LRFN5: variants seen among roughly 807,000 people sequenced by gnomAD.
LRFN5 encodes leucine rich repeat and fibronectin type III domain containing 5.
Under a neutral mutation model 45.6 loss-of-function variants are expected in LRFN5, and 24 were observed. That is an observed-to-expected ratio of 0.53 (90% CI 0.38 to 0.74). The LOEUF is 0.74. Among genes scored for constraint, LRFN5 ranks in the 30% least tolerant of loss-of-function variants. The pLI, the probability that LRFN5 is intolerant of heterozygous loss-of-function variation, is 0.00. For synonymous variants in LRFN5, 340 were observed against 313.8 expected, an observed-to-expected ratio of 1.08 and a Z score of -0.88; for missense variants, 776 against 861.5, an observed-to-expected ratio of 0.90 and a Z score of 1.24.
rs370912400 is a variant in LRFN5 at position 41,689,649 on chromosome 14, CT to C, written c.-196-77202del. ...GTGGCTCACGCTTGTAATCCCAGCACTTTGGGAGGCCGAGGCGGGCGGATCA... is the reference window on the plus strand; with the variant it reads ...GTGGCTCACGCTTGTAATCCCAGCACTTGGGAGGCCGAGGCGGGCGGATCA... On this transcript the variant is annotated intron_variant, in intron 1 of 5. Transcript: ENST00000298119. Among the ~76,000 whole-genome samples, 110 of 152,002 alleles carry C rather than the reference CT, an allele frequency of 7.2e-4. No individual in the cohort carries two copies. The East Asian group carries it at 0.02, about 28-fold the overall frequency.
At chr14:41,825,618 G>T (rs1185693837) in intron 2 of LRFN5, among the ~76,000 whole-genome samples, 1 of 152,212 alleles carries the variant, frequency 6.6e-6, no homozygotes, top group Non-Finnish European at 1.5e-5. Context: ...TGTAGTCTGA[G>T]CAGTTGTTGG....
chr14:41,624,195 T>C (rs538348534), intron 1 of LRFN5, among the ~76,000 whole-genome samples: 70 of 152,186 alleles, frequency 4.6e-4, no homozygotes, highest in Non-Finnish European at 7.8e-4. Flanking sequence ...ATAAACATAC[T>C]TTGAAATATT....
At chr14:41,683,545 G>A (rs147874512) in intron 1 of LRFN5, among the ~76,000 whole-genome samples, 3,695 of 152,054 alleles carry the variant, frequency 0.024, 146 homozygotes, top group African/African-American at 0.085. Context: ...CTTATATTTG[G>A]AAAAACCTAA....
intron 2 of LRFN5, among the ~76,000 whole-genome samples, chr14:41,850,448 A>T (rs1410916266): frequency 6.6e-6 from 1 of 151,858 alleles, no homozygotes; most frequent in Admixed American, 6.6e-5. Context: ...AAAAAAATCT[A>T]TATTTAACAC....
At position 41,891,860 on chromosome 14, in the gene LRFN5, C is replaced by G. The variant is rs770854603; in HGVS notation, c.1996C>G (p.Gln666Glu). 1 of 1,614,140 alleles carries G rather than the reference C, an allele frequency of 6.2e-7. No homozygotes were observed. ...TGAAGCCGTCACAAATGTTGAATCC[C>G]AAAACACTAACAGGAACAACTCAAC... is the stretch of plus-strand genomic sequence containing the variant. The part of the protein sequence containing the change: ...QNEAVTNVES[Q>E]NTNRNNSTAL... The change falls in exon 4 of 6, where the codon CAA (glutamine) becomes GAA (glutamate). Residue 666 changes from glutamine (Q) to glutamate (E), a missense_variant. By Grantham distance (29) the Gln-to-Glu change is conservative. Coordinates refer to ENST00000298119, the MANE Select transcript of LRFN5 (RefSeq NM_152447.5).
intron 2 of LRFN5, among the ~76,000 whole-genome samples, chr14:41,885,242 T>G (rs933854124): frequency 1.3e-5 from 2 of 151,446 alleles, no homozygotes. Context: ...GAAGGATCAT[T>G]TGAGCTGAGG....
chr14:41,659,083 G>A (rs1262707404), intron 1 of LRFN5, among the ~76,000 whole-genome samples: 6 of 151,542 alleles, frequency 4.0e-5, no homozygotes, highest in African/African-American at 1.5e-4. Context: ...TTTAAGTTCT[G>A]GAGTACATGT....
chr14:41,676,140 C>T (rs1315166438), intron 1 of LRFN5, among the ~76,000 whole-genome samples: 1 of 152,336 alleles, frequency 6.6e-6, no homozygotes, highest in African/African-American at 2.4e-5. Flanking sequence ...AGCCATATTT[C>T]AGCAAATGCC....
chr14:41,852,260 A>G (rs1889294016), intron 2 of LRFN5, among the ~76,000 whole-genome samples: 2 of 151,932 alleles, frequency 1.3e-5, no homozygotes, highest in Non-Finnish European at 1.5e-5. Flanking sequence ...ACATAATTAA[A>G]TGAATCTATA....
chr14:41,683,830 C>T lies in LRFN5; in HGVS notation c.-197+75268C>T, dbSNP rs77197708. ...CAAAAATAGAGAGATATTCTCTGCT[C>T]ATAGATGTGAAGAATCAGTATTATT... On this transcript the variant is annotated intron_variant, in intron 1 of 5. Transcript: ENST00000298119. 9.8e-3 allele frequency among the ~76,000 whole-genome samples: 1,491 copies of T among 152,206 alleles called. 7 individuals carry two copies. The highest frequency in any genetic ancestry group is 0.02 in the East Asian group (103 of 5,168).
chr14:41,793,542 A>G (rs576267995), intron 2 of LRFN5, among the ~76,000 whole-genome samples: 1 of 152,182 alleles, frequency 6.6e-6, no homozygotes, highest in African/African-American at 2.4e-5. Flanking sequence ...CAAGAGACCC[A>G]TAAGACCACT....
chr14:41,652,405 C>A (rs1231414498), intron 1 of LRFN5, among the ~76,000 whole-genome samples: 1 of 151,984 alleles, frequency 6.6e-6, no homozygotes, highest in Non-Finnish European at 1.5e-5. Context: ...GTGGGCTAGG[C>A]GCTGTTCTCA....
At chr14:41,748,037 G>A (rs1045345197) in intron 1 of LRFN5, among the ~76,000 whole-genome samples, 2 of 151,964 alleles carry the variant, frequency 1.3e-5, no homozygotes, top group African/African-American at 2.4e-5. Context: ...GATGTGAAGC[G>A]ATTTAAACCT....
intron 1 of LRFN5, among the ~76,000 whole-genome samples, chr14:41,687,863 C>T (rs192819426): frequency 4.6e-5 from 7 of 152,244 alleles, no homozygotes; most frequent in African/African-American, 1.7e-4. Context: ...TTAATAGATG[C>T]AGCAAACCAC....
At chr14:41,883,416 A>G (rs762562053) in intron 2 of LRFN5, among the ~76,000 whole-genome samples, 1 of 152,160 alleles carries the variant, frequency 6.6e-6, no homozygotes, top group Admixed American at 6.5e-5. Context: ...TTAGCCATTT[A>G]TAAAGTTTCA....
At chr14:41,734,227 G>T (rs1332877774) in intron 1 of LRFN5, among the ~76,000 whole-genome samples, 1 of 140,662 alleles carries the variant, frequency 7.1e-6, no homozygotes, top group Non-Finnish European at 1.5e-5. Context: ...GGCCAGGCTG[G>T]TCTTGAACTC....
At chr14:41,670,011 A>C (rs964060693) in intron 1 of LRFN5, among the ~76,000 whole-genome samples, 1 of 150,074 alleles carries the variant, frequency 6.7e-6, no homozygotes, top group Admixed American at 6.6e-5. Flanking sequence ...AAAATTTGCT[A>C]TGCAGTATAT....
intron 2 of LRFN5, among the ~76,000 whole-genome samples, chr14:41,801,568 C>T (rs1887334106): frequency 6.6e-6 from 1 of 152,118 alleles, no homozygotes; most frequent in South Asian, 2.1e-4. Context: ...CATCAGTGTT[C>T]TTCCATTTTT....
At chr14:41,644,329 A>G (rs1037107844) in intron 1 of LRFN5, among the ~76,000 whole-genome samples, 3 of 152,226 alleles carry the variant, frequency 2.0e-5, no homozygotes, top group African/African-American at 7.2e-5. Context: ...CGTTGAATTT[A>G]TTAGATAATG....
Sources: gnomAD v4.1 joint callset for allele counts (sites outside exome capture counted in the v4.1 genomes callset) on GRCh38, gnomAD v4.1.1 for gene constraint, MANE v1.5 for transcripts, NCBI Gene and HGNC (gene_info 2026-07-23, HGNC 2026-07-21) for gene names.